Variants in RAD51B observed in about 807,000 individuals in gnomAD.
RAD51B encodes DNA repair protein RAD51 homolog 2.
In RAD51B, 38 loss-of-function variants were observed where a neutral mutation model predicts 42.2. That is an observed-to-expected ratio of 0.90 (90% CI 0.70 to 1.18). RAD51B has a LOEUF of 1.18. Ranked by LOEUF, RAD51B falls within the 50% of genes most tolerant of loss-of-function variation. The pLI, the probability that RAD51B is intolerant of heterozygous loss-of-function variation, is 0.00. For missense variants in RAD51B, 373 were observed against 400.7 expected (o/e 0.93, Z 0.59); for synonymous variants, 154 against 145.2 (o/e 1.06, Z -0.43).
intron 7 of RAD51B, among the ~76,000 whole-genome samples, chr14:68,071,105 T>C (rs2076733826): frequency 6.6e-6 from 1 of 151,726 alleles, no homozygotes; most frequent in African/African-American, 2.4e-5. Flanking sequence ...TGTATGGAAA[T>C]GACATTGATT....
At chr14:68,219,964 G>A (rs1161940787) in intron 7 of RAD51B, among the ~76,000 whole-genome samples, 2 of 152,036 alleles carry the variant, frequency 1.3e-5, no homozygotes, top group Non-Finnish European at 2.9e-5. Flanking sequence ...GATATGAAAG[G>A]AAAATTCTTC....
At chr14:67,897,102 G>T (rs1205987736) in intron 7 of RAD51B, among the ~76,000 whole-genome samples, 1 of 152,046 alleles carries the variant, frequency 6.6e-6, no homozygotes, top group African/African-American at 2.4e-5. Context: ...AATTCAAATG[G>T]ACTAAAGACT....
intron 7 of RAD51B, among the ~76,000 whole-genome samples, chr14:68,148,031 C>T (rs1331653875): frequency 6.6e-6 from 1 of 152,104 alleles, no homozygotes; most frequent in East Asian, 1.9e-4. Flanking sequence ...CTGTTTTTGT[C>T]ACAATAGATT....
At chr14:68,425,733 A>G (rs897637137) in intron 9 of RAD51B, among the ~76,000 whole-genome samples, 2 of 152,228 alleles carry the variant, frequency 1.3e-5, no homozygotes, top group African/African-American at 2.4e-5. Flanking sequence ...ACCTGAAAAT[A>G]TGGAAGTGGC....
chr14:68,463,165 G>T (rs1234038145), intron 9 of RAD51B, among the ~76,000 whole-genome samples: 1 of 152,156 alleles, frequency 6.6e-6, no homozygotes, highest in Non-Finnish European at 1.5e-5. Flanking sequence ...ATTACCTGCT[G>T]GGGGGTTGTC....
chr14:68,655,741 C>T (rs1892802928), intron 11 of RAD51B, among the ~76,000 whole-genome samples: 1 of 152,152 alleles, frequency 6.6e-6, no homozygotes, highest in African/African-American at 2.4e-5. Flanking sequence ...GCAGCCATGG[C>T]CAAGAGGGCA....
intron 7 of RAD51B, among the ~76,000 whole-genome samples, chr14:68,136,114 A>C (rs2140701916): frequency 1.3e-5 from 2 of 152,364 alleles, no homozygotes; most frequent in South Asian, 4.1e-4. Context: ...TGACTTGCCC[A>C]AACATAGGAA....
In RAD51B at chr14:67,909,263, A is replaced by G. The variant is rs540629207; in HGVS notation, c.756+22059A>G. ...AGACTAACACTCTAGATGTGAGGTA[A>G]TAAGAGCTTAAACTAGAGTTATAAC... On this transcript the variant is annotated intron_variant, in intron 7 of 10. Coordinates refer to ENST00000471583, the MANE Select transcript of RAD51B (RefSeq NM_133510.4). Among the ~76,000 whole-genome samples the G allele has an allele frequency of 2.6e-5, 4 of 152,336 alleles. No homozygotes were observed. The East Asian group carries it at 7.7e-4, about 29-fold the overall frequency.
chr14:68,375,616 T>C (rs2083353006), intron 8 of RAD51B, among the ~76,000 whole-genome samples: 1 of 152,102 alleles, frequency 6.6e-6, no homozygotes, highest in South Asian at 2.1e-4. Context: ...ACTGTTTGCA[T>C]GTTTAGGCTG....
intron 7 of RAD51B, among the ~76,000 whole-genome samples, chr14:68,267,828 C>T (rs554968467): frequency 2.0e-5 from 3 of 152,290 alleles, no homozygotes; most frequent in African/African-American, 7.2e-5. Context: ...GCTGTTTTCA[C>T]CATGCTCTGT....
chr14:68,043,492 A>T (rs1043204501), intron 7 of RAD51B, among the ~76,000 whole-genome samples: 1 of 152,176 alleles, frequency 6.6e-6, no homozygotes, highest in African/African-American at 2.4e-5. Context: ...TTAAGTACCA[A>T]CTTTTTCTTA....
At chr14:68,673,903 T>C (rs1437201087) in intron 11 of RAD51B, among the ~76,000 whole-genome samples, 1 of 147,620 alleles carries the variant, frequency 6.8e-6, no homozygotes, top group Non-Finnish European at 1.5e-5. Flanking sequence ...TGCACACACA[T>C]ACTGTACACA....
At chr14:68,372,589 T>G (rs2083286382) in intron 8 of RAD51B, among the ~76,000 whole-genome samples, 1 of 151,886 alleles carries the variant, frequency 6.6e-6, no homozygotes, top group Non-Finnish European at 1.5e-5. Context: ...AAGAATGGAG[T>G]ACATCACAGC....
chr14:68,007,620 C>G (rs1322454175), intron 7 of RAD51B, among the ~76,000 whole-genome samples: 1 of 151,964 alleles, frequency 6.6e-6, no homozygotes, highest in Non-Finnish European at 1.5e-5. Context: ...TGATGTTGAG[C>G]AGATTTTCAT....
At chr14:68,122,324 A>T (rs935104390) in intron 7 of RAD51B, among the ~76,000 whole-genome samples, 2 of 152,194 alleles carry the variant, frequency 1.3e-5, no homozygotes, top group African/African-American at 4.8e-5. Flanking sequence ...TTTCACATGT[A>T]TCACAAACCA....
chr14:68,022,649 T>C lies in RAD51B; in HGVS notation c.756+135445T>C, dbSNP rs549625410. 1.2e-4 allele frequency among the ~76,000 whole-genome samples: 19 copies of C among 152,250 alleles called. No individual in the cohort carries two copies. In the East Asian group the frequency reaches 3.5e-3, roughly 28 times the overall value. On this transcript the variant is annotated intron_variant, in intron 7 of 10. Coordinates refer to ENST00000471583, the MANE Select transcript of RAD51B (RefSeq NM_133510.4). ...TGTTGGCTGCTTGTCTCTCTTTTTT[T>C]TTTCTTCCAACTCTTATTTCAGGTT...
chr14:68,065,767 G>T (rs1036743426), intron 7 of RAD51B, among the ~76,000 whole-genome samples: 70 of 152,128 alleles, frequency 4.6e-4, no homozygotes, highest in Non-Finnish European at 1.2e-4. Context: ...GTTTTCAGGA[G>T]TTTGGAAGCT....
intron 7 of RAD51B, among the ~76,000 whole-genome samples, chr14:68,062,829 A>AG (rs1566615789): frequency 6.7e-6 from 1 of 148,496 alleles, no homozygotes; most frequent in Non-Finnish European, 1.5e-5. Context: ...AAAAAAAAAA[A>AG]AAGAAAAAAA....
chr14:68,261,034 A>G (rs1192911572), intron 7 of RAD51B, among the ~76,000 whole-genome samples: 1 of 152,230 alleles, frequency 6.6e-6, no homozygotes, highest in Non-Finnish European at 1.5e-5. Flanking sequence ...TTCATTCTGC[A>G]TGATTTCATA....
Sources: allele counts gnomAD v4.1 joint callset (sites outside exome capture counted in the v4.1 genomes callset), GRCh38; gene constraint gnomAD v4.1.1; transcripts MANE v1.5; gene names NCBI Gene and HGNC (gene_info 2026-07-23, HGNC 2026-07-21).